BRIX1: variants seen among roughly 807,000 people sequenced by gnomAD.
The protein encoded by BRIX1 is biogenesis of ribosomes BRX1.
In BRIX1, 15 loss-of-function variants were observed where a neutral mutation model predicts 44.0. The observed-to-expected ratio is 0.34, with a 90% CI of 0.23 to 0.53. The LOEUF is 0.53. BRIX1 is among the 20% of genes least tolerant of loss of function. The pLI, the probability that BRIX1 is intolerant of heterozygous loss-of-function variation, is 0.95. For synonymous variants in BRIX1, 149 were observed against 135.4 expected, an observed-to-expected ratio of 1.10 and a Z score of -0.70; for missense variants, 420 against 432.8, an observed-to-expected ratio of 0.97 and a Z score of 0.26.
At position 34,924,928 on chromosome 5, in the gene BRIX1, G is replaced by A. The variant is rs1163903198; in HGVS notation, c.745G>A (p.Gly249Arg). The A allele has an allele frequency of 6.2e-7, 1 of 1,613,514 alleles. No homozygotes were observed. The highest frequency in any genetic ancestry group is 8.5e-7 in the Non-Finnish European group (1 of 1,179,664). Residue 249 changes from glycine to arginine, a missense_variant, in exon 9 of 10, where the codon GGA (glycine) becomes AGA (arginine). By Grantham distance (125) the Gly-to-Arg change is moderately radical. Coordinates refer to ENST00000336767, the MANE Select transcript of BRIX1 (RefSeq NM_018321.4). ...CATAAAGATTTTCCAGGGAAGTTTT[G>A]GAGGACCAACTTTATATGAAAATCC... ...NLIKIFQGSF[G>R]GPTLYENPHY...
intron 3 of BRIX1, chr5:34,921,055 G>A (rs1580512362): frequency 6.6e-6 from 1 of 152,224 alleles, no homozygotes; most frequent in East Asian, 1.9e-4. Context: ...TAGTAGAGAT[G>A]GAGCTTTGCC....
In BRIX1 at chr5:34,923,021, T is replaced by C; in HGVS notation, c.531T>C (p.His177=). 6.5e-7 allele frequency: 1 copy of C among 1,539,940 alleles called. No individual in the cohort carries two copies. Among genetic ancestry groups the C allele is most frequent in the Non-Finnish European group, 9.0e-7 (1 of 1,113,664 alleles). ...SFDPAFDELP[H]YALLKELLIQ... is the part of the protein sequence containing the mutation. The stretch of plus-strand genomic sequence containing the variant: ...TATAGGCTTTTGATGAATTACCACA[T>C]TATGCTTTGTTAAAAGAACTCTTAA... Residue 177 remains histidine (H), a synonymous_variant, in exon 7 of 10, where the codon CAT becomes CAC. Coordinates refer to ENST00000336767, the MANE Select transcript of BRIX1 (RefSeq NM_018321.4).
intron 3 of BRIX1, chr5:34,920,947 C>T (rs1764225105): frequency 6.6e-6 from 1 of 152,158 alleles, no homozygotes. Context: ...TCACTGCAGC[C>T]TCTGCTTCCT....
rs1764298530 is a variant in BRIX1, at chr5:34,924,085, C to T, written c.664-762C>T. On this transcript the variant is annotated intron_variant, in intron 8 of 9. Transcript: ENST00000336767. ...TAAGACCTAGCAAAATGTAATTGCT[C>T]TAGAAGGCATTCAATGGCAGCGGTT... 3.9e-5 allele frequency among the ~76,000 whole-genome samples: 6 copies of T among 152,170 alleles called. No homozygotes were observed. The South Asian group carries it at 1.0e-3, about 26-fold the overall frequency.
chr5:34,923,944 G>C lies in BRIX1; in HGVS notation c.663+710G>C, dbSNP rs1764296149. On this transcript the variant is annotated intron_variant, in intron 8 of 9. Coordinates refer to ENST00000336767, the MANE Select transcript of BRIX1 (RefSeq NM_018321.4). ...TAACTTTATAGAAAGGGAATAACTT[G>C]AAGATCCATGAGATACTTGGGTTCC... Among the ~76,000 whole-genome samples the C allele has an allele frequency of 2.0e-5, 3 of 152,244 alleles. No individual in the cohort carries two copies. In the Middle Eastern group the frequency reaches 0.01, roughly 518 times the overall value.
intron 6 of BRIX1, 45 bp from the exon 7 acceptor site, chr5:34,922,956 C>A: frequency 7.4e-7 from 1 of 1,344,906 alleles, no homozygotes; most frequent in Non-Finnish European, 1.1e-6. Context: ...CAGTTTTAAA[C>A]AAGGCAGTCT....
At chr5:34,915,975 G>T (rs778281516) in intron 1 of BRIX1, 78 bp downstream of exon 1, 81 of 1,434,844 alleles carry the variant, frequency 5.6e-5, no homozygotes, top group Non-Finnish European at 6.3e-5. Context: ...CTTGACTACA[G>T]CCTTGCTTAA....
chr5:34,924,072 A>T (rs1764298155), intron 8 of BRIX1, among the ~76,000 whole-genome samples: 1 of 152,232 alleles, frequency 6.6e-6, no homozygotes, highest in Non-Finnish European at 1.5e-5. Flanking sequence ...AGACCTAGCA[A>T]AATGTAATTG....
chr5:34,917,171 A>G (rs1446416600), intron 1 of BRIX1, among the ~76,000 whole-genome samples: 2 of 152,246 alleles, frequency 1.3e-5, no homozygotes, highest in Non-Finnish European at 2.9e-5. Context: ...ACTTTGAAGT[A>G]GGGAAATGCT....
Position 34,915,867 on chromosome 5 carries a change from G to A in BRIX1, c.129G>A (p.Glu43=), listed in dbSNP as rs1421303021. 3 of 1,562,188 alleles carry A rather than the reference G, an allele frequency of 1.9e-6. No individual in the cohort carries two copies. The highest frequency in any genetic ancestry group is 2.6e-6 in the Non-Finnish European group (3 of 1,153,080). The change falls in exon 1 of 10, where the codon GAG becomes GAA. Residue 43 remains glutamate, a synonymous_variant. Transcript: ENST00000336767. Reference sequence around the variant, plus strand: ...CAGCAGAGGAGGTGGAGGAAGAAGAGAGGGACCGGATCCCAGGCCCCGTTT... The same window carrying A: ...CAGCAGAGGAGGTGGAGGAAGAAGAAAGGGACCGGATCCCAGGCCCCGTTT... ...HATAEEVEEE[E]RDRIPGPVCK... is the part of the protein sequence containing the mutation.
At chr5:34,925,052 G>A in intron 9 of BRIX1, 77 bp downstream of exon 9, 1 of 1,532,190 alleles carries the variant, frequency 6.5e-7, no homozygotes, top group Non-Finnish European at 8.8e-7. Flanking sequence ...AGTAATTGCT[G>A]TTTTATTACC....
intron 9 of BRIX1, 65 bp from the exon 10 acceptor site, chr5:34,925,161 C>A (rs1418143764): frequency 5.5e-6 from 8 of 1,465,678 alleles, no homozygotes; most frequent in Non-Finnish European, 7.2e-6. Context: ...AACTGAAAGT[C>A]TTTGCCTTAT....
Position 34,925,207 on chromosome 5 carries a change from CTTTTTT to C in BRIX1, c.793-8_793-3del. 1 of 1,357,574 alleles carries C rather than the reference CTTTTTT, an allele frequency of 7.4e-7. No homozygotes were observed. Among genetic ancestry groups the C allele is most frequent in the Non-Finnish European group, 9.8e-7 (1 of 1,017,674 alleles). The allele number at this position is 1,357,574 out of a possible 1,614,324, so 84.1% of individuals were successfully genotyped here. ...TATTTTTATTTCAAAAGCATCTAAT[CTTTTTT>C]TTTTTTTTTTAGCATCGGCGTGTCA... is the stretch of plus-strand genomic sequence containing the variant. On this transcript the variant is annotated splice_polypyrimidine_tract_variant and intron_variant, in intron 9 of 9. Coordinates refer to ENST00000336767, the MANE Select transcript of BRIX1 (RefSeq NM_018321.4).
chr5:34,925,609 G>C lies in BRIX1; in HGVS notation c.*114G>C, dbSNP rs1378217356. On this transcript the variant is annotated 3_prime_UTR_variant, in exon 10 of 10. Coordinates refer to ENST00000336767, the MANE Select transcript of BRIX1 (RefSeq NM_018321.4). ...CGTCTAATTAGTGTAGCATTTACAA[G>C]AAAGAAAAATTAAGATCTTAAAATC... is the stretch of plus-strand genomic sequence containing the variant. 1 of 866,366 alleles carries C rather than the reference G, an allele frequency of 1.2e-6. No homozygotes were observed. The highest frequency in any genetic ancestry group is 3.5e-5 in the Admixed American group (1 of 28,380). The allele number at this position is 866,366 out of a possible 1,614,324, so 53.7% of individuals were successfully genotyped here. A position where few individuals can be genotyped will look rare whatever the true frequency, so the allele number is the denominator to read the frequency against.
chr5:34,918,817 C>CT (rs34618448), intron 2 of BRIX1: 40,592 of 132,272 alleles, frequency 0.31, 6,452 homozygotes, highest in Non-Finnish European at 0.38. Flanking sequence ...CTTTTTGGGC[C>CT]TTTTTTTTTT....
At chr5:34,919,477 C>T (rs1004962318) in intron 2 of BRIX1, among the ~76,000 whole-genome samples, 6 of 151,974 alleles carry the variant, frequency 3.9e-5, no homozygotes, top group East Asian at 1.9e-4. Flanking sequence ...TCTTTGACAC[C>T]TAAGATTAAA....
At position 34,922,256 on chromosome 5, in the gene BRIX1, G is replaced by A; in HGVS notation, c.355G>A (p.Glu119Lys). ...GAACTGTAATAAATGCATCTATTTT[G>A]AAGCTAAGAAAAAACAGGATCTCTA... Reference protein sequence around the residue: ...MKNCNKCIYFEAKKKQDLYMW... With the variant: ...MKNCNKCIYFKAKKKQDLYMW... Residue 119 changes from glutamate to lysine, a missense_variant, in exon 4 of 10, where the codon GAA becomes AAA. Transcript: ENST00000336767. 6.3e-7 allele frequency: 1 copy of A among 1,591,894 alleles called. No homozygotes were observed. The highest frequency in any genetic ancestry group is 8.6e-7 in the Non-Finnish European group (1 of 1,164,670).
intron 8 of BRIX1, among the ~76,000 whole-genome samples, chr5:34,923,605 C>T (rs909988566): frequency 3.9e-5 from 6 of 151,970 alleles, no homozygotes; most frequent in Non-Finnish European, 8.8e-5. Context: ...GATAGAGTGT[C>T]GCAGTGTTGC....
In BRIX1 at chr5:34,925,570, C is replaced by A; in HGVS notation, c.*75C>A. On this transcript the variant is annotated 3_prime_UTR_variant, in exon 10 of 10. Transcript: ENST00000336767. ...TTCAATGTGTAAATACTTTTATTAT[C>A]TAATACTATCTTACGTCTAATTAGT... 1 of 1,256,440 alleles carries A rather than the reference C, an allele frequency of 8.0e-7. No individual in the cohort carries two copies. Among genetic ancestry groups the A allele is most frequent in the Non-Finnish European group, 1.1e-6 (1 of 916,964 alleles). 77.8% of individuals were successfully genotyped at this position (1,256,440 alleles called of 1,614,324 possible).
Sources: gnomAD v4.1 joint callset for allele counts (sites outside exome capture counted in the v4.1 genomes callset) on GRCh38, gnomAD v4.1.1 for gene constraint, MANE v1.5 for transcripts, NCBI Gene and HGNC (gene_info 2026-07-23, HGNC 2026-07-21) for gene names.